Variants in CFAP54 observed in about 807,000 individuals in gnomAD.
CFAP54 encodes the protein cilia- and flagella-associated protein 54.
Under a neutral mutation model 370.4 loss-of-function variants are expected in CFAP54, and 290 were observed. That is an observed-to-expected ratio of 0.78 (90% confidence interval 0.71 to 0.86). The LOEUF (loss-of-function observed/expected upper bound fraction) is 0.86, where lower values mean the gene tolerates loss of function less well. Among genes scored for constraint, CFAP54 ranks in the 40% least tolerant of loss-of-function variants. CFAP54 has a pLI of 0.00. For synonymous variants in CFAP54, 1,206 were observed against 1,236.5 expected (o/e 0.98, Z 0.52); for missense variants, 3,399 against 3,528.7 (o/e 0.96, Z 0.93).
intron 48 of CFAP54, among the ~76,000 whole-genome samples, chr12:96,709,701 T>TTTTTTATTATTATTATTATTA (rs145639086): frequency 1.4e-5 from 2 of 144,072 alleles, no homozygotes; most frequent in Admixed American, 1.4e-4. Context: ...TTGATCATGG[T>TTTTTTATTATTATTATTATTA]TTATTATTAT....
chr12:96,640,162 T>C (rs1334177536), intron 32 of CFAP54, among the ~76,000 whole-genome samples: 1 of 152,130 alleles, frequency 6.6e-6, no homozygotes, highest in East Asian at 1.9e-4. Flanking sequence ...GACGACATGA[T>C]TATATATCTA....
At chr12:96,638,241 G>GTGTA (rs1297564468) in intron 32 of CFAP54, among the ~76,000 whole-genome samples, 3 of 123,064 alleles carry the variant, frequency 2.4e-5, no homozygotes, top group African/African-American at 3.5e-5. Context: ...GTGTGTGTGT[G>GTGTA]TATATATATA....
intron 65 of CFAP54, among the ~76,000 whole-genome samples, chr12:96,827,053 G>A (rs1436037454): frequency 1.3e-4 from 18 of 136,918 alleles, no homozygotes; most frequent in African/African-American, 2.1e-4. Context: ...GCAATTATAT[G>A]TGATTATATA....
intron 22 of CFAP54, among the ~76,000 whole-genome samples, chr12:96,581,340 A>G (rs751146654): frequency 5.3e-5 from 8 of 152,290 alleles, no homozygotes; most frequent in Middle Eastern, 3.4e-3. Context: ...ACACATATAT[A>G]TTAATTTTAG....
intron 38 of CFAP54, among the ~76,000 whole-genome samples, chr12:96,661,205 G>T (rs533594343): frequency 6.6e-6 from 1 of 152,130 alleles, no homozygotes; most frequent in Admixed American, 6.6e-5. Flanking sequence ...TTATCCTGCC[G>T]TGGTCTTTCT....
intron 42 of CFAP54, among the ~76,000 whole-genome samples, chr12:96,686,708 C>A (rs1957334707): frequency 6.6e-6 from 1 of 152,176 alleles, no homozygotes; most frequent in Non-Finnish European, 1.5e-5. Flanking sequence ...GATCCTAACA[C>A]CTCCTGTCAG....
At chr12:96,665,058 C>G (rs574329961) in intron 39 of CFAP54, among the ~76,000 whole-genome samples, 1 of 151,592 alleles carries the variant, frequency 6.6e-6, no homozygotes, top group South Asian at 2.1e-4. Context: ...TTGCATTTCT[C>G]CAATGATCAG....
chr12:96,635,835 A>G (rs1000868485), intron 32 of CFAP54, among the ~76,000 whole-genome samples: 1 of 152,220 alleles, frequency 6.6e-6, no homozygotes, highest in African/African-American at 2.4e-5. Flanking sequence ...GGTACATACC[A>G]AGGGCAAAGT....
intron 1 of CFAP54, among the ~76,000 whole-genome samples, chr12:96,497,111 G>T (rs1314766975): frequency 6.6e-6 from 1 of 152,146 alleles, no homozygotes; most frequent in East Asian, 1.9e-4. Context: ...TACTGTTGGG[G>T]CTGGGCAATG....
intron 19 of CFAP54, among the ~76,000 whole-genome samples, chr12:96,575,516 TGAAA>T (rs1955965626): frequency 6.6e-6 from 1 of 152,010 alleles, no homozygotes; most frequent in Admixed American, 6.6e-5. Context: ...GTGCTTAAAA[TGAAA>T]GAAAGAGGAG....
chr12:96,768,832 T>C (rs921794294), intron 60 of CFAP54, among the ~76,000 whole-genome samples: 2 of 152,164 alleles, frequency 1.3e-5, no homozygotes, highest in African/African-American at 4.8e-5. Context: ...AAGAGCGTTG[T>C]TTTCTGGGAG....
intron 62 of CFAP54, among the ~76,000 whole-genome samples, chr12:96,791,212 T>C (rs1438496146): frequency 6.9e-6 from 1 of 145,824 alleles, no homozygotes; most frequent in Admixed American, 7.3e-5. Context: ...TGAGACGGAG[T>C]CTCACTCTGT....
intron 22 of CFAP54, among the ~76,000 whole-genome samples, chr12:96,581,653 G>T (rs908517268): frequency 1.4e-5 from 2 of 147,892 alleles, no homozygotes; most frequent in African/African-American, 5.0e-5. Context: ...GTATCTATCT[G>T]CCTATTTATC....
chr12:96,495,312 C>T (rs1230379686), intron 1 of CFAP54, among the ~76,000 whole-genome samples: 1 of 134,044 alleles, frequency 7.5e-6, no homozygotes, highest in East Asian at 2.3e-4. Flanking sequence ...TTCCTTCCTT[C>T]CTTTTTCTTT....
intron 64 of CFAP54, among the ~76,000 whole-genome samples, chr12:96,812,213 T>G (rs1958935047): frequency 6.6e-6 from 1 of 152,224 alleles, no homozygotes; most frequent in Non-Finnish European, 1.5e-5. Flanking sequence ...TTGTCTGTAC[T>G]ATATTTTGCC....
chr12:96,630,213 C>T lies in CFAP54; in HGVS notation c.4215+9C>T, dbSNP rs1362949. ...TAATGGAAATTGGAAGAGTAAGTTT[C>T]CTATGAGTTTTGAATTTTAGGTAAT... is the stretch of plus-strand genomic sequence containing the variant. On this transcript the variant is annotated intron_variant, in intron 31 of 67. Transcript: ENST00000524981. The T allele has an allele frequency of 0.42, 581,092 of 1,383,560 alleles. 124,788 individuals are homozygous for T. Among genetic ancestry groups the T allele is most frequent in the Admixed American group, 0.51 (21,688 of 42,216 alleles). 85.7% of individuals were successfully genotyped at this position (1,383,560 alleles called of 1,614,324 possible).
intron 58 of CFAP54, among the ~76,000 whole-genome samples, chr12:96,759,439 T>C (rs1958309465): frequency 6.6e-6 from 1 of 152,202 alleles, no homozygotes; most frequent in Non-Finnish European, 1.5e-5. Flanking sequence ...AAAACAGTAG[T>C]GTAATTCCTT....
intron 50 of CFAP54, among the ~76,000 whole-genome samples, chr12:96,732,771 T>C (rs1957935604): frequency 1.3e-5 from 2 of 152,218 alleles, no homozygotes; most frequent in Admixed American, 1.3e-4. Flanking sequence ...TAGTTGATGG[T>C]AGAATATGCT....
Position 96,757,793 on chromosome 12 carries a change from A to G in CFAP54, c.8040+205A>G, listed in dbSNP as rs1033653634. 2.0e-5 allele frequency among the ~76,000 whole-genome samples: 3 copies of G among 152,274 alleles called. No homozygotes were observed. The East Asian group carries it at 5.8e-4, about 29-fold the overall frequency. ...ATAGGGCTTTGGAAATTATTTTTAT[A>G]TACACATTTCTGCCTGTGAAAATGT... On this transcript the variant is annotated intron_variant, in intron 58 of 67. Transcript: ENST00000524981.
Sources: allele counts gnomAD v4.1 joint callset (sites outside exome capture counted in the v4.1 genomes callset), GRCh38; gene constraint gnomAD v4.1.1; transcripts MANE v1.5; gene names NCBI Gene and HGNC (gene_info 2026-07-23, HGNC 2026-07-21).